Variants in TOP3A observed in about 807,000 individuals in gnomAD.
TOP3A encodes DNA topoisomerase III alpha, also known as DNA topoisomerase 3-alpha.
A neutral mutation model predicts 111.3 loss-of-function variants in TOP3A; 64 were observed. The ratio of observed to expected loss-of-function variants is 0.57; its 90% CI spans 0.47 to 0.71. The LOEUF is 0.71. Ranked by LOEUF, TOP3A falls within the 30% of genes least tolerant of loss-of-function variation. The pLI, the probability that TOP3A is intolerant of heterozygous loss-of-function variation, is 0.00. For synonymous variants in TOP3A, 484 were observed against 485.1 expected (o/e 1.00, Z 0.03); for missense variants, 1,104 against 1,285.0 (o/e 0.86, Z 2.15).
chr17:18,272,148 T>C lies in TOP3A; in HGVS notation c.*2654A>G, dbSNP rs1979034042. Among the ~76,000 whole-genome samples, 1 of 152,170 alleles carries C rather than the reference T, an allele frequency of 6.6e-6. No homozygotes were observed. Among genetic ancestry groups the C allele is most frequent in the African/African-American group, 2.4e-5 (1 of 41,438 alleles). On this transcript the variant is annotated 3_prime_UTR_variant, in exon 19 of 19. Transcript: ENST00000321105. ...CCAAAGAATGTATACCAATGGCCAG[T>C]AAGCCTGTGGAAAGATGGTCAATGT... is the stretch of plus-strand genomic sequence containing the variant.
intron 3 of TOP3A, 141 bp downstream of exon 3, chr17:18,308,210 A>G: frequency 2.0e-6 from 1 of 496,402 alleles, no homozygotes; most frequent in Non-Finnish European, 3.4e-6. Context: ...TCACTCTGAA[A>G]CTTTGTCTCC....
intron 18 of TOP3A, among the ~76,000 whole-genome samples, chr17:18,276,503 G>A (rs986443446): frequency 6.6e-6 from 1 of 152,178 alleles, no homozygotes; most frequent in African/African-American, 2.4e-5. Context: ...TGTGCATGCC[G>A]GGCTAGTGAC....
chr17:18,277,728 G>A lies in TOP3A; in HGVS notation c.2774C>T (p.Pro925Leu), dbSNP rs373080718. Reference protein sequence around the residue: ...KGRQFHTCAKPREQQCGFFQW... With the variant: ...KGRQFHTCAKLREQQCGFFQW... ...GAAAAAGCCACACTGCTGCTCTCTCGGCTTGGCACATGTGTGGAACTGGCG... is the reference window on the plus strand; with the variant it reads ...GAAAAAGCCACACTGCTGCTCTCTCAGCTTGGCACATGTGTGGAACTGGCG... The change falls in exon 18 of 19, where the codon CCG (proline) becomes CTG (leucine). Residue 925 changes from proline (P) to leucine (L), a missense_variant. By Grantham distance (98) the Pro-to-Leu change is moderately conservative. Transcript: ENST00000321105. 6.6e-5 allele frequency: 106 copies of A among 1,613,784 alleles called. No homozygotes were observed. Among genetic ancestry groups the A allele is most frequent in the Middle Eastern group, 3.3e-4 (2 of 6,080 alleles).
At chr17:18,305,564 C>T (rs904987364) in intron 4 of TOP3A, among the ~76,000 whole-genome samples, 1 of 152,116 alleles carries the variant, frequency 6.6e-6, no homozygotes, top group African/African-American at 2.4e-5. Flanking sequence ...GCCGGCTGGG[C>T]GTGGTGGCTC....
rs1408177952 is a variant in TOP3A, at chr17:18,308,407, C to A, written c.258G>T (p.Met86Ile). ...HLYGQNVTMV[M>I]TSVSGHLLAH... ...CCAGTAAATGTCCAGAAACTGAAGTCATTACCATGGTAACATTCTGAATGA... is the reference window on the plus strand; with the variant it reads ...CCAGTAAATGTCCAGAAACTGAAGTAATTACCATGGTAACATTCTGAATGA... Residue 86 changes from methionine to isoleucine, a missense_variant, in exon 3 of 19, where the codon ATG becomes ATT. Coordinates refer to ENST00000321105, the MANE Select transcript of TOP3A (RefSeq NM_004618.5). 6.2e-7 allele frequency: 1 copy of A among 1,603,942 alleles called. No homozygotes were observed. The highest frequency in any genetic ancestry group is 1.1e-5 in the South Asian group (1 of 89,092).
chr17:18,294,487 G>A (rs932381895), intron 10 of TOP3A, among the ~76,000 whole-genome samples: 6 of 152,044 alleles, frequency 3.9e-5, no homozygotes, highest in African/African-American at 1.2e-4. Flanking sequence ...ACGCCACCAC[G>A]TCCAGCTAAT....
In TOP3A at chr17:18,285,123, A is replaced by G. The variant is rs1302744786; in HGVS notation, c.1877+19T>C. The G allele has an allele frequency of 1.2e-6, 2 of 1,611,194 alleles. No individual in the cohort carries two copies. The highest frequency in any genetic ancestry group is 1.7e-4 in the Middle Eastern group (1 of 6,054). ...GGGCAACATAGTGAGACCCCTCTGTATTTCTTTTAAGGACTTACTTCTTTG... is the reference window on the plus strand; with the variant it reads ...GGGCAACATAGTGAGACCCCTCTGTGTTTCTTTTAAGGACTTACTTCTTTG... On this transcript the variant is annotated intron_variant, in intron 15 of 18. Coordinates refer to ENST00000321105, the MANE Select transcript of TOP3A (RefSeq NM_004618.5).
Position 18,272,693 on chromosome 17 carries a change from T to TC in TOP3A, c.*2108_*2109insG, listed in dbSNP as rs1979072377. ...GTCATGTATGGTAGGATTTCATTTT[T>TC]TTTTTTTTCTTGAGACAGAGTTTCA... On this transcript the variant is annotated 3_prime_UTR_variant, in exon 19 of 19. Coordinates refer to ENST00000321105, the MANE Select transcript of TOP3A (RefSeq NM_004618.5). 2 of 151,828 alleles carry TC rather than the reference T, an allele frequency of 1.3e-5. No homozygotes were observed. Among genetic ancestry groups the TC allele is most frequent in the African/African-American group, 4.8e-5 (2 of 41,284 alleles). The allele number at this position is 151,828 out of a possible 1,614,324, so 9.4% of individuals were successfully genotyped here.
intron 12 of TOP3A, 21 bp downstream of exon 12, chr17:18,290,821 C>T (rs771662166): frequency 1.2e-6 from 2 of 1,610,824 alleles, no homozygotes; most frequent in South Asian, 2.2e-5. Context: ...CTCCCTCTCA[C>T]TGGGGACCAC....
chr17:18,302,704 C>T lies in TOP3A; in HGVS notation c.519G>A (p.Val173=), dbSNP rs1227117872. 6.2e-7 allele frequency: 1 copy of T among 1,613,968 alleles called. No homozygotes were observed. The highest frequency in any genetic ancestry group is 1.7e-5 in the Admixed American group (1 of 60,004). ...TGATCTCAGAGAATCGGGCTCGCAA[C>T]ACCTGCAGATTGGGCTTTACTGCAG... ...VCKAVKPNLQ[V]LRARFSEITP... Residue 173 remains valine (V), a synonymous_variant, in exon 6 of 19, where the codon GTG becomes GTA. Transcript: ENST00000321105.
chr17:18,275,066 C>T lies in TOP3A; in HGVS notation c.2828-86G>A, dbSNP rs532142798. ...GAACACGGTGGCTCATGCCTGTAAT[C>T]CCAGCACTTTAGGAAGCTGAGGGAG... is the stretch of plus-strand genomic sequence containing the variant. On this transcript the variant is annotated intron_variant, in intron 18 of 18. Transcript: ENST00000321105. 2.6e-6 allele frequency: 4 copies of T among 1,519,500 alleles called. No individual in the cohort carries two copies. The South Asian group carries it at 3.9e-5, about 15-fold the overall frequency. 94.1% of individuals were successfully genotyped at this position (1,519,500 alleles called of 1,614,324 possible).
chr17:18,293,259 C>T (rs1980590949), intron 10 of TOP3A, among the ~76,000 whole-genome samples: 1 of 152,140 alleles, frequency 6.6e-6, no homozygotes, highest in African/African-American at 2.4e-5. Context: ...CAATGCTGTC[C>T]GATAAACTGT....
chr17:18,296,422 A>C lies in TOP3A; in HGVS notation c.991-1637T>G, dbSNP rs150352061. Among the ~76,000 whole-genome samples, 891 of 152,208 alleles carry C rather than the reference A, an allele frequency of 5.9e-3. 33 individuals are homozygous for C. The highest frequency in any genetic ancestry group is 0.05 in the Admixed American group (759 of 15,286). ...TGGTGAAACCCCATCTCTACTAAAA[A>C]TACAAAAATTAGCTGGGTGTGGTGG... On this transcript the variant is annotated intron_variant, in intron 9 of 18. Transcript: ENST00000321105.
intron 8 of TOP3A, 34 bp from the exon 9 acceptor site, chr17:18,299,667 C>T: frequency 6.3e-7 from 1 of 1,587,348 alleles, no homozygotes; most frequent in South Asian, 1.1e-5. Context: ...CCATGTTAAC[C>T]TGTTAGTGCA....
rs770614115 is a variant in TOP3A, at chr17:18,278,011, G to A, written c.2491C>T (p.Arg831Trp). ...LLTVRKEGPN[R>W]GRQFFKCNGG... ...TTGCACTTAAAGAACTGCCGGCCCC[G>A]GTTGGGGCCCTCCTTACGGACAGTG... Residue 831 changes from arginine (R) to tryptophan (W), a missense_variant, in exon 18 of 19, where the codon CGG (arginine) becomes TGG (tryptophan). Arg to Trp is a moderately radical substitution (Grantham distance 101). Transcript: ENST00000321105. 1.6e-5 allele frequency: 26 copies of A among 1,614,152 alleles called. No individual in the cohort carries two copies. Among genetic ancestry groups the A allele is most frequent in the Admixed American group, 1.3e-4 (8 of 60,036 alleles).
chr17:18,313,800 G>A (rs1982068540), intron 1 of TOP3A, among the ~76,000 whole-genome samples: 1 of 152,258 alleles, frequency 6.6e-6, no homozygotes, highest in Non-Finnish European at 1.5e-5. Context: ...CTGGAAACAG[G>A]TCTTAGGACC....
At chr17:18,288,608 C>T (rs528497228) in intron 13 of TOP3A, among the ~76,000 whole-genome samples, 69 of 152,280 alleles carry the variant, frequency 4.5e-4, no homozygotes, top group African/African-American at 1.6e-3. Context: ...GATCATCTTT[C>T]CAGGCTCACC....
chr17:18,307,679 G>C (rs1981660573), intron 3 of TOP3A: 1 of 152,080 alleles, frequency 6.6e-6, no homozygotes, highest in African/African-American at 2.4e-5. Flanking sequence ...CACTTTGGGA[G>C]GCAAAAGAAG....
At chr17:18,297,135 C>T (rs544401750) in intron 9 of TOP3A, among the ~76,000 whole-genome samples, 6 of 151,800 alleles carry the variant, frequency 4.0e-5, no homozygotes, top group Admixed American at 1.3e-4. Context: ...ACAAAAACAA[C>T]AAAAAAAAGG....
Sources: allele counts gnomAD v4.1 joint callset (sites outside exome capture counted in the v4.1 genomes callset), GRCh38; gene constraint gnomAD v4.1.1; transcripts MANE v1.5; gene names NCBI Gene and HGNC (gene_info 2026-07-23, HGNC 2026-07-21).